The following ARHGAP24 variants were observed in gnomAD, a reference collection of about 807,000 sequenced individuals.
The protein encoded by ARHGAP24 is rho GTPase-activating protein 24.
Under a neutral mutation model 76.4 loss-of-function variants are expected in ARHGAP24, and 50 were observed. That is an observed-to-expected ratio of 0.65 (90% CI 0.52 to 0.83). The LOEUF is 0.83. ARHGAP24 is among the 40% of genes least tolerant of loss of function. The probability of loss-of-function intolerance (pLI) is 0.00; values close to 1 mark genes in which losing one functional copy is unlikely to be tolerated. For synonymous variants in ARHGAP24, 345 were observed against 323.3 expected (o/e 1.07, Z -0.72); for missense variants, 930 against 914.2 (o/e 1.02, Z -0.22).
chr4:85,954,998 G>C (rs1407660999), intron 5 of ARHGAP24, among the ~76,000 whole-genome samples: 1 of 152,166 alleles, frequency 6.6e-6, no homozygotes, highest in Non-Finnish European at 1.5e-5. Context: ...CAAAAAGAGT[G>C]AAACTCTGTC....
At chr4:85,495,609 C>T (rs1200661315) in intron 1 of ARHGAP24, among the ~76,000 whole-genome samples, 1 of 151,968 alleles carries the variant, frequency 6.6e-6, no homozygotes, top group Non-Finnish European at 1.5e-5. Flanking sequence ...GCCTCGGCCG[C>T]CCAAAGTGCT....
At chr4:85,691,549 G>C (rs905975589) in intron 2 of ARHGAP24, among the ~76,000 whole-genome samples, 1 of 152,150 alleles carries the variant, frequency 6.6e-6, no homozygotes, top group South Asian at 2.1e-4. Context: ...ATATATTTAA[G>C]ATAGTTAAAT....
intron 1 of ARHGAP24, among the ~76,000 whole-genome samples, chr4:85,537,804 C>G (rs953166171): frequency 3.3e-5 from 5 of 152,128 alleles, no homozygotes; most frequent in Non-Finnish European, 5.9e-5. Flanking sequence ...AATTGGAAAG[C>G]TTAAAAGCAG....
chr4:85,756,451 C>G (rs970477021), intron 3 of ARHGAP24, among the ~76,000 whole-genome samples: 2 of 152,186 alleles, frequency 1.3e-5, no homozygotes, highest in Admixed American at 6.5e-5. Flanking sequence ...GTAACTAGTA[C>G]TCTCTTCTAT....
At chr4:85,748,616 A>G (rs923274049) in intron 3 of ARHGAP24, among the ~76,000 whole-genome samples, 1 of 152,198 alleles carries the variant, frequency 6.6e-6, no homozygotes, top group Non-Finnish European at 1.5e-5. Flanking sequence ...TATGAGAGAC[A>G]CAGTAAGAAA....
At chr4:85,623,452 C>G (rs1008768038) in intron 2 of ARHGAP24, among the ~76,000 whole-genome samples, 4 of 152,100 alleles carry the variant, frequency 2.6e-5, no homozygotes, top group African/African-American at 7.2e-5. Context: ...TTCCATTGGT[C>G]TATATCTCTG....
chr4:85,502,561 A>G (rs1723865496), intron 1 of ARHGAP24, among the ~76,000 whole-genome samples: 1 of 152,198 alleles, frequency 6.6e-6, no homozygotes. Flanking sequence ...AGTTTTACAC[A>G]TTGATTTTGT....
At chr4:85,509,377 C>T (rs973581376) in intron 1 of ARHGAP24, among the ~76,000 whole-genome samples, 3 of 151,898 alleles carry the variant, frequency 2.0e-5, no homozygotes, top group African/African-American at 7.3e-5. Context: ...GTATTTTATG[C>T]ATGGTTCTTA....
chr4:85,972,270 C>G (rs1476132299), intron 6 of ARHGAP24, 102 bp downstream of exon 6: 1 of 1,472,450 alleles, frequency 6.8e-7, no homozygotes, highest in Non-Finnish European at 9.3e-7. Context: ...CCCGGTGTTA[C>G]TCTCCACTAT....
rs1028079301 is a variant in ARHGAP24 at position 85,852,630 on chromosome 4, G to A, written c.269-71018G>A. On this transcript the variant is annotated intron_variant, in intron 3 of 9. Transcript: ENST00000395184. ...TTGATGATGGTGACCTACAGATGGG[G>A]TTATTGGTGTGGATGTCCTTTTTGT... Among the ~76,000 whole-genome samples, 15 of 152,150 alleles carry A rather than the reference G, an allele frequency of 9.9e-5. 1 individual carries two copies. Among genetic ancestry groups the A allele is most frequent in the Admixed American group, 6.5e-5 (1 of 15,282 alleles).
intron 8 of ARHGAP24, chr4:85,992,129 C>T (rs927183029): frequency 2.5e-6 from 1 of 397,530 alleles, no homozygotes; most frequent in African/African-American, 2.1e-5. Flanking sequence ...CCAGTCTGAC[C>T]TCATTATCTG....
chr4:85,873,242 C>G (rs1732641188), intron 3 of ARHGAP24, among the ~76,000 whole-genome samples: 1 of 152,180 alleles, frequency 6.6e-6, no homozygotes, highest in Non-Finnish European at 1.5e-5. Flanking sequence ...TTAGCTTCCT[C>G]TCTGCAAATG....
At chr4:85,814,380 C>A (rs182129357) in intron 3 of ARHGAP24, among the ~76,000 whole-genome samples, 1 of 152,116 alleles carries the variant, frequency 6.6e-6, no homozygotes, top group Non-Finnish European at 1.5e-5. Flanking sequence ...CACCTATAAG[C>A]CTGTAAAATC....
intron 7 of ARHGAP24, among the ~76,000 whole-genome samples, chr4:85,976,425 C>T (rs1050258384): frequency 3.7e-4 from 57 of 152,180 alleles, no homozygotes; most frequent in African/African-American, 1.3e-3. Context: ...TACCACATGA[C>T]TCTCATCTGT....
At chr4:85,601,164 C>T (rs995533124) in intron 2 of ARHGAP24, among the ~76,000 whole-genome samples, 3 of 151,970 alleles carry the variant, frequency 2.0e-5, no homozygotes, top group African/African-American at 7.3e-5. Context: ...GTATTGCTTT[C>T]CATTTCTCAA....
intron 1 of ARHGAP24, among the ~76,000 whole-genome samples, chr4:85,544,966 G>A (rs866067191): frequency 1.4e-4 from 21 of 151,956 alleles, no homozygotes; most frequent in Middle Eastern, 3.4e-3. Context: ...GCCTGACTGC[G>A]CTACACAGGT....
At chr4:85,850,066 T>A (rs1731131530) in intron 3 of ARHGAP24, among the ~76,000 whole-genome samples, 1 of 152,220 alleles carries the variant, frequency 6.6e-6, no homozygotes. Flanking sequence ...CGGCTGTGAA[T>A]CAATCTGGTC....
At chr4:85,677,117 T>C (rs958682946) in intron 2 of ARHGAP24, among the ~76,000 whole-genome samples, 1 of 152,234 alleles carries the variant, frequency 6.6e-6, no homozygotes, top group Non-Finnish European at 1.5e-5. Flanking sequence ...GGATATCCTC[T>C]GAATCAAGTA....
At chr4:85,865,880 T>G (rs992196422) in intron 3 of ARHGAP24, among the ~76,000 whole-genome samples, 1 of 152,042 alleles carries the variant, frequency 6.6e-6, no homozygotes, top group Non-Finnish European at 1.5e-5. Context: ...CTGTATATAG[T>G]TCTACAGATT....
Sources: allele counts gnomAD v4.1 joint callset (sites outside exome capture counted in the v4.1 genomes callset), GRCh38; gene constraint gnomAD v4.1.1; transcripts MANE v1.5; gene names NCBI Gene and HGNC (gene_info 2026-07-23, HGNC 2026-07-21).